AIRIM: variants seen among roughly 807,000 people sequenced by gnomAD.
AIRIM encodes AFG2-interacting ribosome maturation factor.
the AIRIM span, chr1:37,686,285 T>C: frequency 6.2e-7 from 1 of 1,613,300 alleles, no homozygotes; most frequent in South Asian, 1.1e-5. Context: ...CTTTCGATAA[T>C]GTCTCTCAAT....
chr1:37,688,180 C>T, the AIRIM span, among the ~76,000 whole-genome samples: 1 of 152,162 alleles, frequency 6.6e-6, no homozygotes, highest in Non-Finnish European at 1.5e-5. Flanking sequence ...CCTCAGCCTC[C>T]CCTTTAGCTG....
chr1:37,683,594 T>C, the AIRIM span: 5 of 760,598 alleles, frequency 6.6e-6, no homozygotes, highest in African/African-American at 7.0e-5. Context: ...AAATATTTCC[T>C]GAGCAACTGT....
chr1:37,690,016 T>G, the AIRIM span: 113 of 1,284,362 alleles, frequency 8.8e-5, no homozygotes, highest in South Asian at 1.3e-4. Context: ...AGAAGCAGGG[T>G]TTTTTTTTTG....
At chr1:37,689,515 G>GA in the AIRIM span, 1 of 1,424,508 alleles carries the variant, frequency 7.0e-7, no homozygotes, top group Non-Finnish European at 9.4e-7. Context: ...CTTTCAAGGA[G>GA]AAAAACACCT....
At chr1:37,687,157 C>T in the AIRIM span, among the ~76,000 whole-genome samples, 2 of 150,128 alleles carry the variant, frequency 1.3e-5, no homozygotes, top group African/African-American at 4.9e-5. Context: ...GATGGAGTTT[C>T]GTTCTTGTCG....
the AIRIM span, chr1:37,683,061 C>T: frequency 2.6e-6 from 4 of 1,529,804 alleles, no homozygotes; most frequent in South Asian, 4.5e-5. Context: ...TTAGAAACAT[C>T]AGGGTTCAGA....
the AIRIM span, among the ~76,000 whole-genome samples, chr1:37,685,588 A>G: frequency 7.3e-4 from 110 of 151,634 alleles, no homozygotes; most frequent in African/African-American, 2.5e-3. Context: ...GCGTTTCACC[A>G]TGTTGCCCAG....
At chr1:37,690,446 A>C in the AIRIM span, 3 of 1,264,346 alleles carry the variant, frequency 2.4e-6, no homozygotes, top group Middle Eastern at 4.4e-4. Flanking sequence ...TTCCTGAAAA[A>C]GCGGAAAAAC....
At chr1:37,685,389 T>TC in the AIRIM span, among the ~76,000 whole-genome samples, 2 of 150,904 alleles carry the variant, frequency 1.3e-5, no homozygotes, top group East Asian at 2.0e-4. Flanking sequence ...ATTCTTTTTT[T>TC]TTTTTTTGGA....
chr1:37,682,071 T>C, the AIRIM span: 1 of 152,224 alleles, frequency 6.6e-6, no homozygotes, highest in Admixed American at 6.5e-5. Flanking sequence ...AAAAAATTTG[T>C]AAATAGACAC....
At chr1:37,683,284 G>A in the AIRIM span, 2 of 1,613,560 alleles carry the variant, frequency 1.2e-6, no homozygotes, top group Non-Finnish European at 8.5e-7. Flanking sequence ...GAGAAAGGAG[G>A]AGAGGAGACA....
chr1:37,689,113 G>C, the AIRIM span, among the ~76,000 whole-genome samples: 2 of 152,308 alleles, frequency 1.3e-5, no homozygotes, highest in South Asian at 4.1e-4. Flanking sequence ...CTTTGTGTCA[G>C]GCACACTTGA....
At chr1:37,687,106 G>GTATA in the AIRIM span, among the ~76,000 whole-genome samples, 3 of 120,886 alleles carry the variant, frequency 2.5e-5, no homozygotes, top group Admixed American at 9.3e-5. Context: ...GTGTGTGTGT[G>GTATA]TGTGTATAGT....
the AIRIM span, chr1:37,684,047 C>G: frequency 6.6e-6 from 1 of 152,212 alleles, no homozygotes; most frequent in African/African-American, 2.4e-5. Flanking sequence ...AGACTTCCTG[C>G]AGATATAGAG....
the AIRIM span, chr1:37,689,551 A>C: frequency 6.6e-7 from 1 of 1,519,862 alleles, no homozygotes; most frequent in African/African-American, 1.4e-5. Context: ...GCTACATATA[A>C]AACACCTCGT....
chr1:37,690,015 G>GTTTTTTTT, the AIRIM span: 1 of 1,244,176 alleles, frequency 8.0e-7, no homozygotes, highest in Non-Finnish European at 1.0e-6. Context: ...CAGAAGCAGG[G>GTTTTTTTT]TTTTTTTTTT....
At chr1:37,690,169 A>C in the AIRIM span, 1 of 1,149,224 alleles carries the variant, frequency 8.7e-7, no homozygotes. Flanking sequence ...GGTGCCCGCC[A>C]ACACGCCTGG....
the AIRIM span, among the ~76,000 whole-genome samples, chr1:37,688,219 G>A: frequency 9.9e-5 from 15 of 151,948 alleles, no homozygotes; most frequent in Non-Finnish European, 2.2e-4. Context: ...ACGACAGCCA[G>A]TTAACTTTTT....
chr1:37,686,245 T>C, the AIRIM span: 1 of 1,587,034 alleles, frequency 6.3e-7, no homozygotes, highest in Non-Finnish European at 8.6e-7. Flanking sequence ...CAGCTCTGGC[T>C]GTGACCTGAA....
Sources: allele counts gnomAD v4.1 joint callset (sites outside exome capture counted in the v4.1 genomes callset), GRCh38; gene constraint gnomAD v4.1.1; transcripts MANE v1.5; gene names NCBI Gene and HGNC (gene_info 2026-07-23, HGNC 2026-07-21).